The following PIK3C2B variants were observed in gnomAD, a reference collection of about 807,000 sequenced individuals.
PIK3C2B encodes the protein phosphatidylinositol 4-phosphate 3-kinase C2 domain-containing subunit beta.
In PIK3C2B, 83 loss-of-function variants were observed where a neutral mutation model predicts 184.3. The ratio of observed to expected loss-of-function variants is 0.45; its 90% CI spans 0.38 to 0.54. PIK3C2B has a LOEUF of 0.54. PIK3C2B is among the 20% of genes least tolerant of loss of function. The pLI, the probability that PIK3C2B is intolerant of heterozygous loss-of-function variation, is 0.00. For missense variants in PIK3C2B, 1,736 were observed against 2,113.5 expected, an observed-to-expected ratio of 0.82 and a Z score of 3.50; for synonymous variants, 779 against 837.6, an observed-to-expected ratio of 0.93 and a Z score of 1.21.
intron 22 of PIK3C2B, 36 bp downstream of exon 22, chr1:204,440,156 T>C: frequency 6.3e-7 from 1 of 1,586,766 alleles, no homozygotes; most frequent in Non-Finnish European, 8.6e-7. Context: ...AGCAAAGCGG[T>C]CCCCTCCTCC....
chr1:204,435,240 G>T (rs1675278937), intron 23 of PIK3C2B: 1 of 152,144 alleles, frequency 6.6e-6, no homozygotes, highest in Non-Finnish European at 1.5e-5. Flanking sequence ...AAATATGTTA[G>T]AGATATTTCT....
chr1:204,490,987 A>C (rs1230652327), intron 1 of PIK3C2B, among the ~76,000 whole-genome samples: 2 of 152,176 alleles, frequency 1.3e-5, no homozygotes, highest in Non-Finnish European at 2.9e-5. Context: ...ATAGAAATAA[A>C]AATGCATAGA....
At chr1:204,476,384 G>A (rs1037375524) in intron 1 of PIK3C2B, among the ~76,000 whole-genome samples, 3 of 151,922 alleles carry the variant, frequency 2.0e-5, no homozygotes, top group South Asian at 2.1e-4. Context: ...CATCCCTATG[G>A]GGGGAAAAAA....
In PIK3C2B at chr1:204,447,043, G is replaced by A. The variant is rs114215911; in HGVS notation, c.2489+393C>T. On this transcript the variant is annotated intron_variant, in intron 15 of 32. Transcript: ENST00000684373. This position sits in a 1 kb window ranked among gnomAD's most constrained non-coding sequence, Gnocchi z 4.1. ...CTGATCCTTTTTGGAAAGTGACAGG[G>A]CCAGAAAAATTCAAAGGCTGTTGGT... Among the ~76,000 whole-genome samples, 1,712 of 150,938 alleles carry A rather than the reference G, an allele frequency of 0.011. 39 individuals carry two copies. The highest frequency in any genetic ancestry group is 0.038 in the African/African-American group (1,559 of 41,218).
At chr1:204,482,511 G>A (rs1054805372) in intron 1 of PIK3C2B, among the ~76,000 whole-genome samples, 7 of 152,192 alleles carry the variant, frequency 4.6e-5, no homozygotes, top group Non-Finnish European at 8.8e-5. Context: ...ACTGAAGGCT[G>A]GGTGCAGTGG....
In PIK3C2B at chr1:204,469,037, A is replaced by G. The variant is rs962617348; in HGVS notation, c.766T>C (p.Trp256Arg). 2 of 1,614,190 alleles carry G rather than the reference A, an allele frequency of 1.2e-6. No homozygotes were observed. The highest frequency in any genetic ancestry group is 8.5e-7 in the Non-Finnish European group (1 of 1,180,042). Residue 256 changes from tryptophan (W) to arginine (R), a missense_variant, in exon 2 of 33, where the codon TGG becomes CGG. By Grantham distance (101) the Trp-to-Arg change is moderately radical. Coordinates refer to ENST00000684373, the MANE Select transcript of PIK3C2B (RefSeq NM_001377334.1). ...TCCAGCGGCCCTCGGCCCTCCTTCC[A>G]GCCCCTGGTGGCATCCCGCAACATC... ...AEMLRDATRG[W>R]KEGRGPLDFS...
intron 1 of PIK3C2B, among the ~76,000 whole-genome samples, chr1:204,486,183 G>T (rs1057247852): frequency 6.6e-6 from 1 of 151,982 alleles, no homozygotes; most frequent in Admixed American, 6.6e-5. Context: ...ATCACCAGAG[G>T]TCGGGAATTC....
At chr1:204,485,613 G>A (rs12117054) in intron 1 of PIK3C2B, among the ~76,000 whole-genome samples, 58,189 of 147,754 alleles carry the variant, frequency 0.39, 13,431 homozygotes, top group Non-Finnish European at 0.5. Flanking sequence ...TTGCTCTGTC[G>A]CCCAGACTGC....
At chr1:204,473,074 C>T (rs948078176) in intron 1 of PIK3C2B, among the ~76,000 whole-genome samples, 2 of 152,236 alleles carry the variant, frequency 1.3e-5, no homozygotes, top group Non-Finnish European at 2.9e-5. Context: ...CATGAAATTA[C>T]ACCTCATGAT....
At chr1:204,455,109 T>TGTGTGCGCGTGCACGTGCATGCGC in intron 11 of PIK3C2B, among the ~76,000 whole-genome samples, 1 of 152,146 alleles carries the variant, frequency 6.6e-6, no homozygotes. Context: ...TGTGCGTGCG[T>TGTGTGCGCGTGCACGTGCATGCGC]GTGTGCGCGT....
chr1:204,464,451 G>C lies in PIK3C2B; in HGVS notation c.1188C>G (p.Asn396Lys). 2 of 1,613,020 alleles carry C rather than the reference G, an allele frequency of 1.2e-6. No homozygotes were observed. The highest frequency in any genetic ancestry group is 1.7e-6 in the Non-Finnish European group (2 of 1,179,328). ...RLQEALTFTC[N>K]CSSTVDLLIY... is the part of the protein sequence containing the mutation. ...TCCTCTCCCCCCTCACTAACTTACA[G>C]TTGCAGGTGAAAGTGAGTGCCTCTT... is the stretch of plus-strand genomic sequence containing the variant. Residue 396 changes from asparagine to lysine, a missense_variant and splice_region_variant, in exon 4 of 33, where the codon AAC becomes AAG. Coordinates refer to ENST00000684373, the MANE Select transcript of PIK3C2B (RefSeq NM_001377334.1).
chr1:204,482,876 G>T (rs546610951), intron 1 of PIK3C2B, among the ~76,000 whole-genome samples: 2 of 152,294 alleles, frequency 1.3e-5, no homozygotes, highest in East Asian at 3.9e-4. Context: ...GAAGGCAGTG[G>T]TCCTGATGGT....
chr1:204,434,917 A>G (rs1367653915), intron 23 of PIK3C2B, among the ~76,000 whole-genome samples: 1 of 152,214 alleles, frequency 6.6e-6, no homozygotes, highest in Non-Finnish European at 1.5e-5. Flanking sequence ...GACTGATCCA[A>G]GAGCCCAGTC....
intron 24 of PIK3C2B, 127 bp from the exon 25 acceptor site, chr1:204,434,076 C>CT (rs1675215897): frequency 1.4e-6 from 1 of 731,958 alleles, no homozygotes; most frequent in Non-Finnish European, 2.3e-6. Flanking sequence ...GGGGCTCTAA[C>CT]TTTTTTCTTT....
intron 22 of PIK3C2B, 40 bp downstream of exon 22, chr1:204,440,152 G>A: frequency 6.3e-7 from 1 of 1,582,158 alleles, no homozygotes; most frequent in Non-Finnish European, 8.6e-7. Context: ...AATAAGCAAA[G>A]CGGTCCCCTC....
chr1:204,493,231 C>T (rs1658125815), intron 1 of PIK3C2B, among the ~76,000 whole-genome samples: 1 of 152,168 alleles, frequency 6.6e-6, no homozygotes, highest in Non-Finnish European at 1.5e-5. Context: ...ATCTGCCTGG[C>T]CATATCCCAA....
At chr1:204,448,903 A>T (rs1654106602) in intron 14 of PIK3C2B, among the ~76,000 whole-genome samples, 1 of 152,170 alleles carries the variant, frequency 6.6e-6, no homozygotes, top group Admixed American at 6.5e-5. Flanking sequence ...ATTCAATACA[A>T]GGGACTCAGA....
At chr1:204,431,051 T>C (rs990316488) in intron 28 of PIK3C2B, among the ~76,000 whole-genome samples, 3 of 152,238 alleles carry the variant, frequency 2.0e-5, no homozygotes, top group Non-Finnish European at 4.4e-5. Context: ...GAATTAACCA[T>C]ATTCACACTG....
At chr1:204,467,198 C>T (rs1381708805) in intron 2 of PIK3C2B, 6 of 300,546 alleles carry the variant, frequency 2.0e-5, no homozygotes, top group Non-Finnish European at 3.3e-5. Flanking sequence ...AGGTGACCAC[C>T]TACCAGGGTG....
Sources: gnomAD v4.1 joint callset for allele counts (sites outside exome capture counted in the v4.1 genomes callset) on GRCh38, gnomAD v4.1.1 for gene constraint, Gnocchi (gnomAD v3.1) non-coding constraint, MANE v1.5 for transcripts, NCBI Gene and HGNC (gene_info 2026-07-23, HGNC 2026-07-21) for gene names.